The following EDIL3 variants were observed in gnomAD, a reference collection of about 807,000 sequenced individuals.
EDIL3 encodes EGF like and discoidin domains 3.
In EDIL3, 37 loss-of-function variants were observed where a neutral mutation model predicts 67.4. The ratio of observed to expected loss-of-function variants is 0.55; its 90% confidence interval spans 0.42 to 0.72. The LOEUF (loss-of-function observed/expected upper bound fraction) is 0.72, where lower values mean the gene tolerates loss of function less well. Among genes scored for constraint, EDIL3 ranks in the 30% least tolerant of loss-of-function variants. The pLI is 0.00. For synonymous variants in EDIL3, 195 were observed against 196.3 expected (o/e 0.99, Z 0.05); for missense variants, 527 against 586.3 (o/e 0.90, Z 1.04).
chr5:84,081,732 C>T (rs1352633497), intron 6 of EDIL3, among the ~76,000 whole-genome samples: 1 of 152,068 alleles, frequency 6.6e-6, no homozygotes, highest in South Asian at 2.1e-4. Flanking sequence ...GCAAAATAAT[C>T]ACCACAAACC....
At chr5:84,347,674 C>T (rs1747263375) in intron 1 of EDIL3, among the ~76,000 whole-genome samples, 1 of 152,170 alleles carries the variant, frequency 6.6e-6, no homozygotes, top group South Asian at 2.1e-4. Context: ...TTATACAAGT[C>T]TATCTTTTAA....
chr5:84,123,487 G>A (rs150158992), intron 5 of EDIL3, among the ~76,000 whole-genome samples: 5 of 151,962 alleles, frequency 3.3e-5, no homozygotes, highest in African/African-American at 1.2e-4. Context: ...TCACGTTAAT[G>A]TAGAGCCAAG....
chr5:83,981,695 T>C (rs1246134878), intron 9 of EDIL3, among the ~76,000 whole-genome samples: 2 of 152,074 alleles, frequency 1.3e-5, no homozygotes, highest in Admixed American at 6.6e-5. Flanking sequence ...CAGAGTATTG[T>C]AACTTTAGGT....
intron 9 of EDIL3, among the ~76,000 whole-genome samples, chr5:84,035,700 T>C (rs1413143427): frequency 1.3e-5 from 2 of 152,156 alleles, no homozygotes; most frequent in African/African-American, 4.8e-5. Flanking sequence ...TCACATAAGT[T>C]CTTTCTGGAA....
At chr5:84,328,254 TA>T (rs1004564655) in intron 1 of EDIL3, among the ~76,000 whole-genome samples, 5 of 152,052 alleles carry the variant, frequency 3.3e-5, no homozygotes, top group African/African-American at 1.2e-4. Context: ...AACTGTTTCT[TA>T]AAGTTGTGCC....
At chr5:84,246,898 ATAAT>A (rs1266162471) in intron 2 of EDIL3, among the ~76,000 whole-genome samples, 8 of 152,222 alleles carry the variant, frequency 5.3e-5, no homozygotes, top group Non-Finnish European at 8.8e-5. Flanking sequence ...CATATAAAAT[ATAAT>A]TACTTTTCCA....
At chr5:84,357,403 T>A (rs1747508899) in intron 1 of EDIL3, among the ~76,000 whole-genome samples, 1 of 152,184 alleles carries the variant, frequency 6.6e-6, no homozygotes, top group Non-Finnish European at 1.5e-5. Context: ...TATATGGACC[T>A]GCATATGAAA....
intron 1 of EDIL3, among the ~76,000 whole-genome samples, chr5:84,313,560 C>T (rs2112146596): frequency 6.6e-6 from 1 of 152,254 alleles, no homozygotes; most frequent in East Asian, 1.9e-4. Context: ...ACTTCTTTTC[C>T]TCTACAAAGG....
chr5:84,034,073 C>T (rs1745975018), intron 9 of EDIL3, among the ~76,000 whole-genome samples: 1 of 152,088 alleles, frequency 6.6e-6, no homozygotes, highest in African/African-American at 2.4e-5. Context: ...AATTAGAAGA[C>T]CAAAATTTTG....
intron 4 of EDIL3, among the ~76,000 whole-genome samples, chr5:84,159,524 C>T (rs189120221): frequency 1.2e-3 from 175 of 151,994 alleles, no homozygotes; most frequent in African/African-American, 3.4e-3. Flanking sequence ...CATTCTAGTC[C>T]TTTCTAGCCA....
intron 9 of EDIL3, among the ~76,000 whole-genome samples, chr5:83,977,536 G>A (rs1294623881): frequency 6.6e-6 from 1 of 151,704 alleles, no homozygotes. Context: ...TTTTCTGAAA[G>A]CTATAAAGTC....
chr5:84,312,279 C>G (rs1375224380), intron 1 of EDIL3, among the ~76,000 whole-genome samples: 24 of 134,054 alleles, frequency 1.8e-4, no homozygotes, highest in African/African-American at 7.2e-4. Flanking sequence ...GCTGGCCGGG[C>G]GGGGGCTGAC....
At chr5:83,988,826 C>A (rs1262980931) in intron 9 of EDIL3, among the ~76,000 whole-genome samples, 1 of 152,064 alleles carries the variant, frequency 6.6e-6, no homozygotes, top group Non-Finnish European at 1.5e-5. Flanking sequence ...TAAAATGATA[C>A]CATTACAAAT....
chr5:84,313,789 T>C (rs1746455163), intron 1 of EDIL3, among the ~76,000 whole-genome samples: 1 of 152,184 alleles, frequency 6.6e-6, no homozygotes, highest in Non-Finnish European at 1.5e-5. Flanking sequence ...AGCTCCCAGG[T>C]AATTCTGAAT....
intron 3 of EDIL3, among the ~76,000 whole-genome samples, chr5:84,221,954 C>A (rs1353161997): frequency 6.6e-6 from 1 of 151,820 alleles, no homozygotes; most frequent in Non-Finnish European, 1.5e-5. Flanking sequence ...AATGCACAAC[C>A]AACCCTTGTT....
chr5:83,958,157 A>G (rs891197384), intron 10 of EDIL3, among the ~76,000 whole-genome samples: 8 of 151,658 alleles, frequency 5.3e-5, no homozygotes, highest in Admixed American at 1.3e-4. Context: ...GAAAAACAGA[A>G]AACTACACTT....
chr5:84,021,307 A>C (rs1745709679), intron 9 of EDIL3, among the ~76,000 whole-genome samples: 1 of 151,818 alleles, frequency 6.6e-6, no homozygotes, highest in African/African-American at 2.4e-5. Flanking sequence ...GTGGTACAAC[A>C]TTAGATTGTT....
chr5:84,340,571 TGTTA>T (rs1311830476), intron 1 of EDIL3, among the ~76,000 whole-genome samples: 1 of 136,816 alleles, frequency 7.3e-6, no homozygotes, highest in Non-Finnish European at 1.6e-5. Flanking sequence ...TATATATATA[TGTTA>T]GTCTACATAT....
intron 1 of EDIL3, among the ~76,000 whole-genome samples, chr5:84,286,086 A>G (rs1343308689): frequency 5.3e-5 from 8 of 152,130 alleles, no homozygotes; most frequent in Non-Finnish European, 1.2e-4. Context: ...CTTTAGCTCT[A>G]GGCTTACAGT....
Sources: allele counts gnomAD v4.1 joint callset (sites outside exome capture counted in the v4.1 genomes callset), GRCh38; gene constraint gnomAD v4.1.1; transcripts MANE v1.5; gene names NCBI Gene and HGNC (gene_info 2026-07-23, HGNC 2026-07-21).